PCNX2: variants seen among roughly 807,000 people sequenced by gnomAD.
PCNX2 encodes pecanex 2.
In PCNX2, 168 loss-of-function variants were observed where a neutral mutation model predicts 223.8. That is an observed-to-expected ratio of 0.75 (90% CI 0.66 to 0.85). The LOEUF is 0.85. Among genes scored for constraint, PCNX2 ranks in the 40% least tolerant of loss-of-function variants. The pLI, the probability that PCNX2 is intolerant of heterozygous loss-of-function variation, is 0.00. For synonymous variants in PCNX2, 1,006 were observed against 1,052.6 expected, an observed-to-expected ratio of 0.96 and a Z score of 0.86; for missense variants, 2,507 against 2,675.5, an observed-to-expected ratio of 0.94 and a Z score of 1.39.
intron 25 of PCNX2, among the ~76,000 whole-genome samples, chr1:233,034,228 G>A (rs972716830): frequency 6.6e-6 from 1 of 152,052 alleles, no homozygotes; most frequent in Non-Finnish European, 1.5e-5. Flanking sequence ...AACAAACAAA[G>A]AAACAAGAAG....
At chr1:233,009,872 G>T (rs1431048870) in intron 28 of PCNX2, among the ~76,000 whole-genome samples, 1 of 152,178 alleles carries the variant, frequency 6.6e-6, no homozygotes, top group African/African-American at 2.4e-5. Flanking sequence ...GAGCCCATAC[G>T]CCAGGCCCAG....
chr1:233,177,650 G>A (rs1237122007), intron 17 of PCNX2, among the ~76,000 whole-genome samples, 152 bp downstream of exon 17: 1 of 152,242 alleles, frequency 6.6e-6, no homozygotes, highest in Non-Finnish European at 1.5e-5. Flanking sequence ...CTGGCAGGCA[G>A]CTCAACAGCC....
chr1:233,025,123 G>C (rs1465208334), intron 26 of PCNX2, 23 bp downstream of exon 26: 27 of 1,612,630 alleles, frequency 1.7e-5, no homozygotes, highest in Non-Finnish European at 2.3e-5. Flanking sequence ...TCTGCCTTAG[G>C]TGTTTGGGAA....
In PCNX2 at chr1:233,258,543, C is replaced by G. The variant is rs866500432; in HGVS notation, c.1319G>C (p.Gly440Ala). 1 of 1,614,028 alleles carries G rather than the reference C, an allele frequency of 6.2e-7. No homozygotes were observed. The highest frequency in any genetic ancestry group is 8.5e-7 in the Non-Finnish European group (1 of 1,179,900). ...GCCTTCGGGACAGGGAACACCTCCTCCCCCACCCTCAGGCAGGTCCAGGGT... is the reference window on the plus strand; with the variant it reads ...GCCTTCGGGACAGGGAACACCTCCTGCCCCACCCTCAGGCAGGTCCAGGGT... ...VITLDLPEGG[G>A]GGVPCPEGNG... The change falls in exon 5 of 34, where the codon GGA (glycine) becomes GCA (alanine). Residue 440 changes from glycine to alanine, a missense_variant. By Grantham distance (60) the Gly-to-Ala change is moderately conservative. Around this residue, in one of 3 missense-constraint regions of PCNX2, gnomAD observed 1,031 missense variants for 1,021.7 expected, o/e 1.01. Coordinates refer to ENST00000258229, the MANE Select transcript of PCNX2 (RefSeq NM_014801.4).
intron 23 of PCNX2, among the ~76,000 whole-genome samples, chr1:233,062,101 T>C (rs1306920750): frequency 1.3e-5 from 2 of 152,112 alleles, no homozygotes; most frequent in Admixed American, 1.3e-4. Flanking sequence ...CTGCCCTCAC[T>C]GGGGAAAATT....
At chr1:233,028,747 TAA>T (rs1671167233) in intron 25 of PCNX2, among the ~76,000 whole-genome samples, 1 of 152,294 alleles carries the variant, frequency 6.6e-6, no homozygotes, top group Non-Finnish European at 1.5e-5. Flanking sequence ...CATTTACATG[TAA>T]TGTGGTTATT....
chr1:233,291,463 G>C, intron 1 of PCNX2, among the ~76,000 whole-genome samples: 1 of 152,016 alleles, frequency 6.6e-6, no homozygotes, highest in East Asian at 1.9e-4. Context: ...TACAAAATTA[G>C]CCAGGGTGGT....
At chr1:233,293,781 C>T (rs982394820) in intron 1 of PCNX2, among the ~76,000 whole-genome samples, 1 of 152,126 alleles carries the variant, frequency 6.6e-6, no homozygotes, top group African/African-American at 2.4e-5. Flanking sequence ...CTGTAATTAT[C>T]CCTGCTTTAC....
chr1:233,279,389 TTGTGTGTGTGTG>T (rs57288356), intron 1 of PCNX2, among the ~76,000 whole-genome samples: 18 of 142,676 alleles, frequency 1.3e-4, no homozygotes, highest in South Asian at 2.3e-4. Flanking sequence ...TAATTTGTGT[TTGTGTGTGTGTG>T]TGTGTGTGTG....
In PCNX2 at chr1:233,070,960, C is replaced by T. The variant is rs372188270; in HGVS notation, c.4077-13670G>A. On this transcript the variant is annotated intron_variant, in intron 23 of 33. Transcript: ENST00000258229. ...GCTGAGGCAGGAGAATGGGTGAACC[C>T]GGGAGGCGGAGCTTGCAGTGAGCCG... 1.8e-3 allele frequency among the ~76,000 whole-genome samples: 269 copies of T among 152,196 alleles called. 13 individuals carry two copies. In the South Asian group the frequency reaches 0.038, roughly 21 times the overall value.
intron 23 of PCNX2, chr1:233,058,665 C>CTTTTTTTTTTTTTTTTTTTT (rs771648037): frequency 8.3e-6 from 1 of 119,812 alleles, no homozygotes; most frequent in Non-Finnish European, 1.7e-5. Context: ...CTTTTCTTTT[C>CTTTTTTTTTTTTTTTTTTTT]TTTTTTTTTT....
At chr1:233,168,348 C>G (rs1376595208) in intron 17 of PCNX2, among the ~76,000 whole-genome samples, 1 of 152,076 alleles carries the variant, frequency 6.6e-6, no homozygotes, top group South Asian at 2.1e-4. Context: ...AAACCAGGCT[C>G]TAGCTATAAT....
Position 233,264,677 on chromosome 1 carries a change from C to T in PCNX2, c.154-1514G>A, listed in dbSNP as rs531489738. ...GACGGAATAACTATATAAGATGATA[C>T]AAGCTAGATAATAAAGCCAGGTCCA... On this transcript the variant is annotated intron_variant, in intron 1 of 33. Transcript: ENST00000258229. Among the ~76,000 whole-genome samples, 17 of 152,160 alleles carry T rather than the reference C, an allele frequency of 1.1e-4. No homozygotes were observed. The South Asian group carries it at 2.1e-3, about 19-fold the overall frequency.
In PCNX2 at chr1:233,295,369, T is replaced by C; in HGVS notation, c.110A>G (p.Tyr37Cys). 1.3e-6 allele frequency: 2 copies of C among 1,565,432 alleles called. No individual in the cohort carries two copies. Among genetic ancestry groups the C allele is most frequent in the African/African-American group, 2.7e-5 (2 of 73,794 alleles). ...QSKFTNSCHLYLWLFLLLLPL... is the reference protein window; with the variant it reads ...QSKFTNSCHLCLWLFLLLLPL... ...CAGCAGCAGGAGGAACAGCCACAGGTAGAGGTGGCAGCTGTTGGTGAACTT... is the reference window on the plus strand; with the variant it reads ...CAGCAGCAGGAGGAACAGCCACAGGCAGAGGTGGCAGCTGTTGGTGAACTT... Residue 37 changes from tyrosine (Y) to cysteine (C), a missense_variant, in exon 1 of 34, where the codon TAC becomes TGC. Around this residue, in one of 3 missense-constraint regions of PCNX2, gnomAD observed 1,031 missense variants for 1,021.7 expected, o/e 1.01. Transcript: ENST00000258229. The surrounding 1 kb of genome is among the most constrained non-coding windows in gnomAD (Gnocchi z 4.1).
the PCNX2 span, among the ~76,000 whole-genome samples, chr1:233,301,553 C>T: frequency 1.4e-3 from 211 of 152,186 alleles, no homozygotes; most frequent in Admixed American, 2.4e-3. Flanking sequence ...AATCTGAGTC[C>T]AGCAACATAT....
intron 10 of PCNX2, among the ~76,000 whole-genome samples, chr1:233,222,969 T>G (rs965297151): frequency 6.6e-6 from 1 of 152,120 alleles, no homozygotes; most frequent in Non-Finnish European, 1.5e-5. Context: ...CGAGTGTCAC[T>G]GGCATATTAA....
chr1:233,300,451 T>A (rs1016789598), upstream of PCNX2, among the ~76,000 whole-genome samples: 27 of 152,272 alleles, frequency 1.8e-4, no homozygotes, highest in Middle Eastern at 3.4e-3. Flanking sequence ...AGGCTTCCCT[T>A]GATAGGAGTT....
chr1:233,250,193 C>T (rs888269689), intron 8 of PCNX2, among the ~76,000 whole-genome samples: 5 of 152,208 alleles, frequency 3.3e-5, no homozygotes, highest in Admixed American at 2.6e-4. Context: ...ACTGACAAGA[C>T]GTACAGTTTT....
chr1:233,000,514 C>G lies in PCNX2; in HGVS notation c.5119G>C (p.Glu1707Gln). 6.3e-7 allele frequency: 1 copy of G among 1,599,918 alleles called. No homozygotes were observed. Among genetic ancestry groups the G allele is most frequent in the Non-Finnish European group, 8.5e-7 (1 of 1,175,998 alleles). Residue 1707 changes from glutamate to glutamine, a missense_variant, in exon 30 of 34, where the codon GAG becomes CAG. This residue lies in a region of PCNX2 where 1,372 missense variants were observed against 1,509.4 expected (regional missense o/e 0.91). Transcript: ENST00000258229. This position sits in a 1 kb window ranked among gnomAD's most constrained non-coding sequence, Gnocchi z 4.6. Reference sequence around the variant, plus strand: ...TAGAGGACTGCTGGGTCTTCATACTCGTCAGGGCAAGTGAACTGGTCCTGG... The same window carrying G: ...TAGAGGACTGCTGGGTCTTCATACTGGTCAGGGCAAGTGAACTGGTCCTGG... ...LHQDQFTCPD[E>Q]YEDPAVLYEA...
Sources: gnomAD v4.1 joint callset for allele counts (sites outside exome capture counted in the v4.1 genomes callset) on GRCh38, gnomAD v4.1.1 for gene constraint, gnomAD v4.1.1 regional missense constraint, Gnocchi (gnomAD v3.1) non-coding constraint, MANE v1.5 for transcripts, NCBI Gene and HGNC (gene_info 2026-07-23, HGNC 2026-07-21) for gene names.